Variants in LURAP1L observed in about 807,000 individuals in gnomAD.
LURAP1L encodes leucine rich adaptor protein 1-like.
A neutral mutation model predicts 13.8 loss-of-function variants in LURAP1L; 12 were observed. The ratio of observed to expected loss-of-function variants is 0.87; its 90% CI spans 0.56 to 1.41. The LOEUF (loss-of-function observed/expected upper bound fraction) is 1.41, where lower values mean the gene tolerates loss of function less well. LURAP1L is among the 40% of genes most tolerant of loss of function. The pLI, the probability that LURAP1L is intolerant of heterozygous loss-of-function variation, is 0.00. For synonymous variants in LURAP1L, 139 were observed against 119.2 expected (o/e 1.17, Z -1.08); for missense variants, 375 against 292.9 (o/e 1.28, Z -2.04).
At chr9:12,820,399 A>G (rs1470275985) in intron 1 of LURAP1L, among the ~76,000 whole-genome samples, 4 of 146,554 alleles carry the variant, frequency 2.7e-5, no homozygotes, top group Non-Finnish European at 4.5e-5. Context: ...GCTACTCGGG[A>G]GGCTGAGGCA....
At chr9:12,777,507 G>C in intron 1 of LURAP1L, 1 of 984,234 alleles carries the variant, frequency 1.0e-6, no homozygotes, top group Non-Finnish European at 1.2e-6. Context: ...TCCTAACCAT[G>C]TCTTCTGTAA....
chr9:12,809,718 T>G (rs1819711101), intron 1 of LURAP1L, among the ~76,000 whole-genome samples: 1 of 152,310 alleles, frequency 6.6e-6, no homozygotes, highest in Non-Finnish European at 1.5e-5. Flanking sequence ...TAAAAGGAAC[T>G]GTGATAGATA....
intron 1 of LURAP1L, chr9:12,790,620 C>G (rs917717520): frequency 2.0e-5 from 3 of 151,988 alleles, no homozygotes; most frequent in African/African-American, 7.2e-5. Context: ...GATTTACTAC[C>G]TGCTTTGAAA....
chr9:12,793,958 T>C (rs568233727), intron 1 of LURAP1L, among the ~76,000 whole-genome samples: 3 of 152,262 alleles, frequency 2.0e-5, no homozygotes, highest in East Asian at 1.9e-4. Flanking sequence ...GTTAGAGGCT[T>C]TTAAATAATT....
At chr9:12,791,326 T>A (rs1002263457) in intron 1 of LURAP1L, among the ~76,000 whole-genome samples, 7 of 152,148 alleles carry the variant, frequency 4.6e-5, no homozygotes, top group African/African-American at 1.7e-4. Context: ...AACCAGCAGC[T>A]GTGTGGGTTT....
intron 1 of LURAP1L, among the ~76,000 whole-genome samples, chr9:12,791,964 C>T (rs961088995): frequency 2.6e-5 from 4 of 152,084 alleles, no homozygotes; most frequent in Non-Finnish European, 1.5e-5. Flanking sequence ...AAGTGGTCAC[C>T]TCCCTTAAAT....
intron 1 of LURAP1L, among the ~76,000 whole-genome samples, chr9:12,801,920 G>A (rs542992010): frequency 1.3e-5 from 2 of 152,234 alleles, no homozygotes; most frequent in South Asian, 2.1e-4. Flanking sequence ...AAAATGGAAA[G>A]CATCCATGAT....
At chr9:12,800,641 A>C (rs1239898837) in intron 1 of LURAP1L, among the ~76,000 whole-genome samples, 1 of 152,216 alleles carries the variant, frequency 6.6e-6, no homozygotes, top group Non-Finnish European at 1.5e-5. Flanking sequence ...AATATTTGAA[A>C]ATCTAGTAAT....
intron 1 of LURAP1L, among the ~76,000 whole-genome samples, chr9:12,787,201 A>G (rs1171820199): frequency 6.6e-6 from 1 of 152,116 alleles, no homozygotes; most frequent in Non-Finnish European, 1.5e-5. Context: ...CTTCCTGGAA[A>G]TGTTCTAAAT....
At chr9:12,781,122 C>T (rs1208662302) in intron 1 of LURAP1L, among the ~76,000 whole-genome samples, 1 of 152,056 alleles carries the variant, frequency 6.6e-6, no homozygotes, top group Non-Finnish European at 1.5e-5. Context: ...CAGGCATGTG[C>T]CACTACGCCC....
chr9:12,816,783 G>C (rs1819809483), intron 1 of LURAP1L, among the ~76,000 whole-genome samples: 1 of 152,194 alleles, frequency 6.6e-6, no homozygotes, highest in Non-Finnish European at 1.5e-5. Flanking sequence ...GAGAGACTAA[G>C]TAGGAAGCTG....
At chr9:12,810,360 T>C (rs933460571) in intron 1 of LURAP1L, among the ~76,000 whole-genome samples, 1 of 152,222 alleles carries the variant, frequency 6.6e-6, no homozygotes, top group Admixed American at 6.5e-5. Flanking sequence ...CCTGTTAAGC[T>C]ATGATTCTCT....
At position 12,793,505 on chromosome 9, in the gene LURAP1L, G is replaced by C. The variant is rs1819472141; in HGVS notation, c.312+17478G>C. 2.0e-5 allele frequency among the ~76,000 whole-genome samples: 3 copies of C among 151,808 alleles called. No homozygotes were observed. The South Asian group carries it at 6.2e-4, about 32-fold the overall frequency. Reference sequence around the variant, plus strand: ...ACTCAACAGCCGTGTTTCTTTTATTGCCCTCCTTTCCAACAATGTTACAAT... The same window carrying C: ...ACTCAACAGCCGTGTTTCTTTTATTCCCCTCCTTTCCAACAATGTTACAAT... On this transcript the variant is annotated intron_variant, in intron 1 of 1. Transcript: ENST00000319264.
intron 1 of LURAP1L, among the ~76,000 whole-genome samples, chr9:12,788,155 G>A: frequency 7.3e-6 from 1 of 136,180 alleles, no homozygotes. Flanking sequence ...AAAGAAGAAA[G>A]AAAGAAAGAA....
At chr9:12,814,167 C>G (rs753411364) in intron 1 of LURAP1L, 4 of 152,128 alleles carry the variant, frequency 2.6e-5, no homozygotes, top group Non-Finnish European at 5.9e-5. Flanking sequence ...TACCCTGTGT[C>G]CTTCCCTTAC....
chr9:12,804,554 G>A (rs1351773347), intron 1 of LURAP1L, among the ~76,000 whole-genome samples: 1 of 151,984 alleles, frequency 6.6e-6, no homozygotes, highest in Non-Finnish European at 1.5e-5. Context: ...TGTTGGCCAG[G>A]CTGGTCTCGA....
At chr9:12,816,614 A>G (rs1357261648) in intron 1 of LURAP1L, among the ~76,000 whole-genome samples, 3 of 152,334 alleles carry the variant, frequency 2.0e-5, no homozygotes, top group East Asian at 1.9e-4. Flanking sequence ...AGAAAAAAAG[A>G]TATCTGGGAA....
intron 1 of LURAP1L, among the ~76,000 whole-genome samples, chr9:12,806,631 G>A (rs1177664988): frequency 6.6e-6 from 1 of 151,978 alleles, no homozygotes; most frequent in African/African-American, 2.4e-5. Flanking sequence ...ACAATTTTAT[G>A]TTTTACTTTT....
chr9:12,800,099 T>A (rs1336273863), intron 1 of LURAP1L, among the ~76,000 whole-genome samples: 4 of 152,174 alleles, frequency 2.6e-5, no homozygotes, highest in Non-Finnish European at 5.9e-5. Flanking sequence ...TTATTAACTA[T>A]AGTCCTCATG....
Sources: gnomAD v4.1 joint callset for allele counts (sites outside exome capture counted in the v4.1 genomes callset) on GRCh38, gnomAD v4.1.1 for gene constraint, MANE v1.5 for transcripts, NCBI Gene and HGNC (gene_info 2026-07-23, HGNC 2026-07-21) for gene names.